Variants in LAMP1 observed in about 807,000 individuals in gnomAD.
LAMP1 encodes lysosome associated membrane protein 1.
LAMP1 carries 7 observed loss-of-function variants against 37.5 expected under a neutral mutation model. The ratio of observed to expected loss-of-function variants is 0.19; its 90% CI spans 0.11 to 0.35. LAMP1 has a LOEUF of 0.35. Among genes scored for constraint, LAMP1 ranks in the 10% least tolerant of loss-of-function variants. The pLI, the probability that LAMP1 is intolerant of heterozygous loss-of-function variation, is 1.00. For synonymous variants in LAMP1, 236 were observed against 229.1 expected (o/e 1.03, Z -0.27); for missense variants, 537 against 552.8 (o/e 0.97, Z 0.29).
intron 1 of LAMP1, among the ~76,000 whole-genome samples, chr13:113,301,907 G>A (rs945262321): frequency 5.4e-5 from 7 of 129,212 alleles, no homozygotes; most frequent in Admixed American, 4.7e-4. Flanking sequence ...CTGTCGCCCA[G>A]GCTGGAGTGC....
At position 113,321,109 on chromosome 13, in the gene LAMP1, A is replaced by C; in HGVS notation, c.877-295A>C. 1 of 377,622 alleles carries C rather than the reference A, an allele frequency of 2.6e-6. No individual in the cohort carries two copies. The highest frequency in any genetic ancestry group is 2.3e-5 in the South Asian group (1 of 43,040). 23.4% of individuals were successfully genotyped at this position (377,622 alleles called of 1,614,324 possible). On this transcript the variant is annotated intron_variant, in intron 6 of 8. Coordinates refer to ENST00000332556, the MANE Select transcript of LAMP1 (RefSeq NM_005561.4). This position sits in a 1 kb window ranked among gnomAD's most constrained non-coding sequence, Gnocchi z 5.6. ...GGTGGGAGGATCACTTGAGCCCAGG[A>C]GTTAAGGTTGCGATGAGCCGTGATC...
chr13:113,319,903 G>T (rs1038084556), intron 5 of LAMP1, among the ~76,000 whole-genome samples: 3 of 152,280 alleles, frequency 2.0e-5, no homozygotes, highest in Non-Finnish European at 4.4e-5. Context: ...CTATTGGGCA[G>T]TGTGGCCCAC....
chr13:113,305,533 A>G (rs1159267104), intron 1 of LAMP1: 1 of 152,232 alleles, frequency 6.6e-6, no homozygotes, highest in Non-Finnish European at 1.5e-5. Flanking sequence ...TGATCAGGGA[A>G]GTGGAGTATG....
Position 113,320,929 on chromosome 13 carries a change from A to G in LAMP1, c.876+459A>G. ...AAATCATGCTTTCCTGTGCTGTGAT[A>G]GCTCCTGCAGTCCCCGTTTTCCAGA... On this transcript the variant is annotated intron_variant, in intron 6 of 8. Coordinates refer to ENST00000332556, the MANE Select transcript of LAMP1 (RefSeq NM_005561.4). The surrounding 1 kb of genome is among the most constrained non-coding windows in gnomAD (Gnocchi z 4.4). 1 of 216,992 alleles carries G rather than the reference A, an allele frequency of 4.6e-6. No homozygotes were observed. The highest frequency in any genetic ancestry group is 5.2e-5 in the Admixed American group (1 of 19,166). The allele number at this position is 216,992 out of a possible 1,614,324, so 13.4% of individuals were successfully genotyped here. A position where few individuals can be genotyped will look rare whatever the true frequency, so the allele number is the denominator to read the frequency against.
At chr13:113,300,440 C>T (rs1437284890) in intron 1 of LAMP1, among the ~76,000 whole-genome samples, 1 of 144,350 alleles carries the variant, frequency 6.9e-6, no homozygotes, top group Non-Finnish European at 1.5e-5. Flanking sequence ...GAGCTGAGAT[C>T]GTGCCATTGC....
chr13:113,308,393 C>T (rs1437457874), intron 2 of LAMP1, among the ~76,000 whole-genome samples: 2 of 119,338 alleles, frequency 1.7e-5, no homozygotes, highest in East Asian at 2.7e-4. Flanking sequence ...AGTACAATGG[C>T]GCGTTCTTGG....
chr13:113,309,666 A>T lies in LAMP1; in HGVS notation c.207A>T (p.Ser69=), dbSNP rs77735431. 2.4e-4 allele frequency: 390 copies of T among 1,613,734 alleles called. No homozygotes were observed. The African/African-American group carries it at 4.4e-3, about 18-fold the overall frequency. ...AGAACATGACCTTTGACCTGCCATC[A>T]GATGCCACAGTGGTGCTCAACCGCA... The part of the protein sequence containing the change: ...GPKNMTFDLP[S]DATVVLNRSS... The change falls in exon 3 of 9, where the codon TCA becomes TCT. Residue 69 remains serine (S), a synonymous_variant. Transcript: ENST00000332556.
At chr13:113,302,441 C>T (rs1302641242) in intron 1 of LAMP1, among the ~76,000 whole-genome samples, 2 of 152,228 alleles carry the variant, frequency 1.3e-5, no homozygotes, top group Non-Finnish European at 2.9e-5. Flanking sequence ...CCGCCTGCCT[C>T]AGCCTCCCAA....
chr13:113,322,170 C>T (rs776690202), intron 8 of LAMP1, 112 bp from the exon 9 acceptor site: 132 of 1,251,530 alleles, frequency 1.1e-4, no homozygotes, highest in Non-Finnish European at 1.3e-4. Context: ...TGGAACCTTC[C>T]GCCAGGGTTC....
At chr13:113,304,962 C>G (rs1444332733) in intron 1 of LAMP1, 2 of 152,306 alleles carry the variant, frequency 1.3e-5, no homozygotes, top group Admixed American at 1.3e-4. Context: ...CCGGCAGCAC[C>G]TTTTCTTTAT....
intron 4 of LAMP1, among the ~76,000 whole-genome samples, chr13:113,314,414 T>C (rs2042649415): frequency 9.8e-6 from 1 of 101,842 alleles, no homozygotes; most frequent in African/African-American, 5.7e-5. Context: ...CGTGGCCTCC[T>C]AGAGGGAGTC....
chr13:113,322,316 G>C lies in LAMP1; in HGVS notation c.1149G>C (p.Leu383=), dbSNP rs763236095. The C allele has an allele frequency of 6.2e-7, 1 of 1,613,774 alleles. No homozygotes were observed. The highest frequency in any genetic ancestry group is 8.5e-7 in the Non-Finnish European group (1 of 1,179,932). ...EECLLDENSM[L]IPIAVGGALA... ...GTCTGCTGGACGAGAACAGCATGCT[G>C]ATCCCCATCGCTGTGGGTGGTGCCC... Residue 383 remains leucine (L), a synonymous_variant, in exon 9 of 9, where the codon CTG becomes CTC. Coordinates refer to ENST00000332556, the MANE Select transcript of LAMP1 (RefSeq NM_005561.4).
chr13:113,317,112 C>T (rs1595462903), intron 4 of LAMP1, among the ~76,000 whole-genome samples: 1 of 152,236 alleles, frequency 6.6e-6, no homozygotes. Context: ...CTGCTGTTGC[C>T]GGGAGAGGAG....
At chr13:113,301,345 G>A (rs1340220686) in intron 1 of LAMP1, among the ~76,000 whole-genome samples, 1 of 151,936 alleles carries the variant, frequency 6.6e-6, no homozygotes, top group Non-Finnish European at 1.5e-5. Context: ...ATACGGCCGG[G>A]CACGGTGGCT....
In LAMP1 at chr13:113,323,189, A is replaced by G. The variant is rs956299072; in HGVS notation, c.*768A>G. Reference sequence around the variant, plus strand: ...GGCGGCACGTCCTTGGGCGTCTCTAATGTCTGCAGCTCAAGGGCTGGCACT... The same window carrying G: ...GGCGGCACGTCCTTGGGCGTCTCTAGTGTCTGCAGCTCAAGGGCTGGCACT... On this transcript the variant is annotated 3_prime_UTR_variant, in exon 9 of 9. Coordinates refer to ENST00000332556, the MANE Select transcript of LAMP1 (RefSeq NM_005561.4). 1 of 152,012 alleles carries G rather than the reference A, an allele frequency of 6.6e-6. No individual in the cohort carries two copies. The highest frequency in any genetic ancestry group is 2.4e-5 in the African/African-American group (1 of 41,354). The allele number at this position is 152,012 out of a possible 1,614,324, so 9.4% of individuals were successfully genotyped here. A position where few individuals can be genotyped will look rare whatever the true frequency, so the allele number is the denominator to read the frequency against.
At position 113,319,558 on chromosome 13, in the gene LAMP1, T is replaced by C. The variant is rs2042685889; in HGVS notation, c.652T>C (p.Ser218Pro). 1.2e-6 allele frequency: 2 copies of C among 1,613,632 alleles called. No homozygotes were observed. The highest frequency in any genetic ancestry group is 1.7e-6 in the Non-Finnish European group (2 of 1,179,996). The change falls in exon 5 of 9, where the codon TCT (serine) becomes CCT (proline). Residue 218 changes from serine (S) to proline (P), a missense_variant. Coordinates refer to ENST00000332556, the MANE Select transcript of LAMP1 (RefSeq NM_005561.4). ...GCCCTCACCCGTGCCCAAGAGCCCCTCTGTGGACAAGTACAACGTGAGCGG... is the reference window on the plus strand; with the variant it reads ...GCCCTCACCCGTGCCCAAGAGCCCCCCTGTGGACAAGTACAACGTGAGCGG... ...PSPSPVPKSP[S>P]VDKYNVSGTN...
intron 1 of LAMP1, among the ~76,000 whole-genome samples, chr13:113,299,003 G>A (rs1468587077): frequency 6.6e-6 from 1 of 152,170 alleles, no homozygotes; most frequent in African/African-American, 2.4e-5. Context: ...AGCTGGGCAT[G>A]GTGGCGCACG....
chr13:113,313,118 C>T (rs949809679), intron 4 of LAMP1, among the ~76,000 whole-genome samples: 5 of 152,120 alleles, frequency 3.3e-5, no homozygotes, highest in African/African-American at 9.7e-5. Context: ...CTCCCCATGT[C>T]GCTCTGTGAC....
chr13:113,321,527 G>A lies in LAMP1; in HGVS notation c.944-30G>A. On this transcript the variant is annotated intron_variant, in intron 7 of 8. Coordinates refer to ENST00000332556, the MANE Select transcript of LAMP1 (RefSeq NM_005561.4). This position sits in a 1 kb window ranked among gnomAD's most constrained non-coding sequence, Gnocchi z 5.6. ...CCCGCCCGCGCGCCCAGGGTATTCT[G>A]GAGCCACTAGACCTCTGTGTGTGTT... is the stretch of plus-strand genomic sequence containing the variant. 1 of 1,613,852 alleles carries A rather than the reference G, an allele frequency of 6.2e-7. No individual in the cohort carries two copies. Among genetic ancestry groups the A allele is most frequent in the Non-Finnish European group, 8.5e-7 (1 of 1,179,812 alleles).
Sources: gnomAD v4.1 joint callset for allele counts (sites outside exome capture counted in the v4.1 genomes callset) on GRCh38, gnomAD v4.1.1 for gene constraint, Gnocchi (gnomAD v3.1) non-coding constraint, MANE v1.5 for transcripts, NCBI Gene and HGNC (gene_info 2026-07-23, HGNC 2026-07-21) for gene names.